ZNF619: variants seen among roughly 807,000 people sequenced by gnomAD.
ZNF619 encodes the protein zinc finger protein 619.
A neutral mutation model predicts 14.2 loss-of-function variants in ZNF619; 9 were observed. The ratio of observed to expected loss-of-function variants is 0.64; its 90% CI spans 0.38 to 1.11. ZNF619 has a LOEUF of 1.11. ZNF619 is among the 50% of genes least tolerant of loss of function. ZNF619 has a pLI of 0.01. For synonymous variants in ZNF619, 246 were observed against 252.8 expected (o/e 0.97, Z 0.26); for missense variants, 659 against 680.1 (o/e 0.97, Z 0.34).
chr3:40,484,769 T>A (rs1697525481), intron 4 of ZNF619, among the ~76,000 whole-genome samples: 1 of 152,136 alleles, frequency 6.6e-6, no homozygotes, highest in Admixed American at 6.5e-5. Context: ...AGTGGCCACC[T>A]TTTGGGAAAG....
rs1697628627 is a variant in ZNF619, at chr3:40,487,221, T to C, written c.711T>C (p.Cys237=). The C allele has an allele frequency of 6.2e-7, 1 of 1,614,048 alleles. No individual in the cohort carries two copies. Among genetic ancestry groups the C allele is most frequent in the Admixed American group, 1.7e-5 (1 of 60,002 alleles). ...AGAAGCCCTACACATGCAAAGAATGTGGGAAAACCTTCAGATATAACTCAA... is the reference window on the plus strand; with the variant it reads ...AGAAGCCCTACACATGCAAAGAATGCGGGAAAACCTTCAGATATAACTCAA... The part of the protein sequence containing the change: ...TNEKPYTCKE[C]GKTFRYNSKL... Residue 237 remains cysteine, a synonymous_variant, in exon 5 of 5, where the codon TGT becomes TGC. Transcript: ENST00000432264.
intron 4 of ZNF619, among the ~76,000 whole-genome samples, chr3:40,486,102 C>CA (rs1697570729): frequency 6.6e-6 from 1 of 152,214 alleles, no homozygotes; most frequent in South Asian, 2.1e-4. Context: ...CTGTTGTAGA[C>CA]AGTACCTCCC....
intron 1 of ZNF619, chr3:40,477,645 C>A: frequency 3.0e-6 from 1 of 332,268 alleles, no homozygotes; most frequent in Non-Finnish European, 5.7e-6. Flanking sequence ...ATAGTGGGGC[C>A]AAGAATTTTT....
intron 4 of ZNF619, among the ~76,000 whole-genome samples, chr3:40,483,144 G>A (rs1292547964): frequency 6.6e-6 from 1 of 152,210 alleles, no homozygotes; most frequent in African/African-American, 2.4e-5. Flanking sequence ...AGGAGTTTGA[G>A]GTTGCAGTAA....
In ZNF619 at chr3:40,482,047, T is replaced by C. The variant is rs187357149; in HGVS notation, c.178+31T>C. On this transcript the variant is annotated intron_variant, in intron 3 of 4. Coordinates refer to ENST00000432264, the MANE Select transcript of ZNF619 (RefSeq NM_001145093.4). The stretch of plus-strand genomic sequence containing the variant: ...TCCTCCTTCCTCTCTGAAACTCAGC[T>C]TCTGCCCTTGGGAGCTCCTAGATTC... 6 of 1,573,892 alleles carry C rather than the reference T, an allele frequency of 3.8e-6. No homozygotes were observed. The East Asian group carries it at 1.3e-4, about 35-fold the overall frequency.
intron 4 of ZNF619, among the ~76,000 whole-genome samples, chr3:40,483,148 G>T (rs970249139): frequency 2.6e-5 from 4 of 152,204 alleles, no homozygotes; most frequent in Non-Finnish European, 5.9e-5. Flanking sequence ...GTTTGAGGTT[G>T]CAGTAAGCTA....
intron 2 of ZNF619, among the ~76,000 whole-genome samples, chr3:40,480,352 G>C (rs769450624): frequency 6.6e-6 from 1 of 152,086 alleles, no homozygotes; most frequent in Non-Finnish European, 1.5e-5. Flanking sequence ...TATAGTTACT[G>C]TTTTCCTCTT....
intron 4 of ZNF619, among the ~76,000 whole-genome samples, chr3:40,485,170 A>G (rs1383915390): frequency 1.3e-5 from 2 of 152,200 alleles, no homozygotes; most frequent in African/African-American, 2.4e-5. Context: ...GTTCTTGACA[A>G]TCTAGAACCA....
At chr3:40,479,427 C>G (rs942885346) in intron 2 of ZNF619, among the ~76,000 whole-genome samples, 18 of 152,158 alleles carry the variant, frequency 1.2e-4, no homozygotes, top group Admixed American at 1.1e-3. Context: ...CTAGGAAGTT[C>G]CCCCAATCTC....
Position 40,488,583 on chromosome 3 carries a change from A to C in ZNF619, c.*342A>C, listed in dbSNP as rs1358722648. 3 of 226,234 alleles carry C rather than the reference A, an allele frequency of 1.3e-5. No homozygotes were observed. Among genetic ancestry groups the C allele is most frequent in the African/African-American group, 6.9e-5 (3 of 43,596 alleles). The allele number at this position is 226,234 out of a possible 1,614,324, so 14.0% of individuals were successfully genotyped here. On this transcript the variant is annotated 3_prime_UTR_variant, in exon 5 of 5. Coordinates refer to ENST00000432264, the MANE Select transcript of ZNF619 (RefSeq NM_001145093.4). ...ATGAGATGGGGCATTATAATTAGAG[A>C]CTAGGAGAAATGCAAAGCCTATGGG...
chr3:40,486,345 G>A (rs1697577133), intron 4 of ZNF619, among the ~76,000 whole-genome samples: 1 of 152,120 alleles, frequency 6.6e-6, no homozygotes, highest in Non-Finnish European at 1.5e-5. Context: ...ACTCCAGTTT[G>A]TTTACTTTCC....
chr3:40,481,584 G>C (rs910289374), intron 2 of ZNF619, among the ~76,000 whole-genome samples: 1 of 152,196 alleles, frequency 6.6e-6, no homozygotes, highest in South Asian at 2.1e-4. Flanking sequence ...GATTTAGAAA[G>C]CATGCCAGAA....
intron 2 of ZNF619, among the ~76,000 whole-genome samples, chr3:40,480,791 T>G (rs914476110): frequency 5.3e-5 from 8 of 152,172 alleles, no homozygotes; most frequent in African/African-American, 1.7e-4. Context: ...TGAGCCACTG[T>G]GCCCAGCCCA....
chr3:40,478,491 T>G (rs1374473819), intron 2 of ZNF619, among the ~76,000 whole-genome samples: 2 of 152,158 alleles, frequency 1.3e-5, no homozygotes, highest in African/African-American at 2.4e-5. Context: ...TAAGGTACAG[T>G]GAAGCCAGAA....
Position 40,482,649 on chromosome 3 carries a change from GGGC to G in ZNF619, c.241_243del (p.Gly81del). 1.2e-6 allele frequency: 2 copies of G among 1,614,142 alleles called. No individual in the cohort carries two copies. The highest frequency in any genetic ancestry group is 2.7e-5 in the African/African-American group (2 of 75,048). The stretch of plus-strand genomic sequence containing the variant: ...AGCTGGAGCAAGGAGAAGCAGCATG[GGGC>G]CCAGATCCCTGGACACTTGCTGGGG... On this transcript the variant is annotated inframe_deletion, in exon 4 of 5. Transcript: ENST00000432264.
At chr3:40,484,227 G>T (rs929647995) in intron 4 of ZNF619, among the ~76,000 whole-genome samples, 2 of 152,158 alleles carry the variant, frequency 1.3e-5, no homozygotes, top group African/African-American at 4.8e-5. Context: ...CGCCCAGCTA[G>T]AACTTGTTTT....
intron 2 of ZNF619, among the ~76,000 whole-genome samples, chr3:40,480,460 T>G (rs940472352): frequency 6.6e-6 from 1 of 152,094 alleles, no homozygotes; most frequent in Non-Finnish European, 1.5e-5. Context: ...ATTGATGATT[T>G]TTGCCCAAAC....
In ZNF619 at chr3:40,487,993, T is replaced by A. The variant is rs1391327640; in HGVS notation, c.1483T>A (p.Tyr495Asn). ...AACAGGGCTATCCGCAGTTAAGCCC[T>A]ACTGTCCCTGCGCCATCCTCTCTCC... ...NGTGLSAVKP[Y>N]CPCAILSPLP... Residue 495 changes from tyrosine (Y) to asparagine (N), a missense_variant, in exon 5 of 5, where the codon TAC (tyrosine) becomes AAC (asparagine). By Grantham distance (143) the Tyr-to-Asn change is moderately radical (BLOSUM62 -2). Coordinates refer to ENST00000432264, the MANE Select transcript of ZNF619 (RefSeq NM_001145093.4). 6.2e-7 allele frequency: 1 copy of A among 1,614,226 alleles called. No homozygotes were observed. The highest frequency in any genetic ancestry group is 8.5e-7 in the Non-Finnish European group (1 of 1,180,026).
In ZNF619 at chr3:40,487,218, A is replaced by G. The variant is rs779158381; in HGVS notation, c.708A>G (p.Glu236=). The G allele has an allele frequency of 1.2e-6, 2 of 1,614,090 alleles. No homozygotes were observed. The highest frequency in any genetic ancestry group is 2.7e-5 in the African/African-American group (2 of 74,944). The change falls in exon 5 of 5, where the codon GAA becomes GAG. Residue 236 remains glutamate (E), a synonymous_variant. Coordinates refer to ENST00000432264, the MANE Select transcript of ZNF619 (RefSeq NM_001145093.4). ...ATGAGAAGCCCTACACATGCAAAGA[A>G]TGTGGGAAAACCTTCAGATATAACT... ...HTNEKPYTCK[E]CGKTFRYNSK...
Sources: gnomAD v4.1 joint callset for allele counts (sites outside exome capture counted in the v4.1 genomes callset) on GRCh38, gnomAD v4.1.1 for gene constraint, MANE v1.5 for transcripts, NCBI Gene and HGNC (gene_info 2026-07-23, HGNC 2026-07-21) for gene names.